The following PPP2R2A variants were observed in gnomAD, a reference collection of about 807,000 sequenced individuals.
PPP2R2A encodes the protein serine/threonine-protein phosphatase 2A 55 kDa regulatory subunit B alpha isoform.
In PPP2R2A, 9 loss-of-function variants were observed where a neutral mutation model predicts 53.2. The ratio of observed to expected loss-of-function variants is 0.17; its 90% CI spans 0.10 to 0.30. The LOEUF (loss-of-function observed/expected upper bound fraction) is 0.30. PPP2R2A is among the 10% of genes least tolerant of loss of function. The pLI is 1.00. For synonymous variants in PPP2R2A, 169 were observed against 174.2 expected (o/e 0.97, Z 0.23); for missense variants, 235 against 534.6 (o/e 0.44, Z 5.53).
chr8:26,328,815 A>G (rs1803223472), intron 2 of PPP2R2A, among the ~76,000 whole-genome samples: 1 of 152,208 alleles, frequency 6.6e-6, no homozygotes, highest in African/African-American at 2.4e-5. Context: ...TTTTCTACAA[A>G]GTAGTTTATT....
At chr8:26,326,122 C>G (rs1803073244) in intron 2 of PPP2R2A, among the ~76,000 whole-genome samples, 1 of 152,218 alleles carries the variant, frequency 6.6e-6, no homozygotes, top group African/African-American at 2.4e-5. Flanking sequence ...TAGGTGTGAG[C>G]CACCATGTTG....
intron 3 of PPP2R2A, among the ~76,000 whole-genome samples, chr8:26,351,336 C>T (rs1046694326): frequency 2.0e-5 from 3 of 151,690 alleles, no homozygotes; most frequent in Non-Finnish European, 4.4e-5. Context: ...TCTCCATGGC[C>T]CTCTTTAAAG....
At chr8:26,356,412 T>A (rs891419847) in intron 4 of PPP2R2A, among the ~76,000 whole-genome samples, 4 of 152,214 alleles carry the variant, frequency 2.6e-5, no homozygotes, top group Non-Finnish European at 5.9e-5. Context: ...GTTTTCACAA[T>A]AGACTGCATT....
intron 2 of PPP2R2A, among the ~76,000 whole-genome samples, chr8:26,315,922 A>G (rs981638629): frequency 3.9e-5 from 6 of 152,194 alleles, no homozygotes; most frequent in Non-Finnish European, 8.8e-5. Flanking sequence ...ACACTTGGTA[A>G]TCACTTTCTA....
intron 2 of PPP2R2A, among the ~76,000 whole-genome samples, chr8:26,331,790 G>C (rs921610710): frequency 6.6e-6 from 1 of 152,172 alleles, no homozygotes; most frequent in Non-Finnish European, 1.5e-5. Context: ...TTACTCAATA[G>C]AATTTTCACA....
intron 2 of PPP2R2A, among the ~76,000 whole-genome samples, chr8:26,326,689 T>C (rs1803104468): frequency 6.6e-6 from 1 of 152,242 alleles, no homozygotes; most frequent in South Asian, 2.1e-4. Flanking sequence ...TACTTGTTTG[T>C]ATAATCTCCT....
intron 3 of PPP2R2A, among the ~76,000 whole-genome samples, chr8:26,346,659 A>G (rs1024666802): frequency 6.6e-6 from 1 of 152,164 alleles, no homozygotes; most frequent in Non-Finnish European, 1.5e-5. Context: ...TTCTTTCTCA[A>G]ATATCTCTCT....
At chr8:26,345,304 G>A (rs1195996059) in intron 3 of PPP2R2A, among the ~76,000 whole-genome samples, 2 of 151,922 alleles carry the variant, frequency 1.3e-5, no homozygotes, top group African/African-American at 4.8e-5. Context: ...GCTCTCCCTA[G>A]CCTCACACAT....
At chr8:26,317,745 C>T (rs1386801968) in intron 2 of PPP2R2A, among the ~76,000 whole-genome samples, 5 of 152,192 alleles carry the variant, frequency 3.3e-5, no homozygotes, top group African/African-American at 9.7e-5. Context: ...CCCACATACA[C>T]AGTGGTTCAA....
At chr8:26,366,249 TAAAG>T in intron 8 of PPP2R2A, 62 bp from the exon 9 acceptor site, 2 of 1,324,424 alleles carry the variant, frequency 1.5e-6, no homozygotes, top group Admixed American at 2.0e-5. Context: ...TTTTTCTTTT[TAAAG>T]ATATGGACTT....
intron 2 of PPP2R2A, among the ~76,000 whole-genome samples, chr8:26,334,630 A>G (rs868513215): frequency 6.6e-6 from 1 of 152,144 alleles, no homozygotes; most frequent in Non-Finnish European, 1.5e-5. Flanking sequence ...CTGTAGTCCC[A>G]GCTACTCAGG....
At chr8:26,323,269 C>T (rs535670970) in intron 2 of PPP2R2A, among the ~76,000 whole-genome samples, 50 of 152,364 alleles carry the variant, frequency 3.3e-4, no homozygotes, top group African/African-American at 1.2e-3. Context: ...AAAACACACA[C>T]ACAGTTTCTT....
intron 6 of PPP2R2A, among the ~76,000 whole-genome samples, chr8:26,361,943 A>G (rs1161117224): frequency 6.6e-6 from 1 of 151,014 alleles, no homozygotes; most frequent in Non-Finnish European, 1.5e-5. Context: ...CCTGGGCAAC[A>G]AGAGTGAAAC....
chr8:26,349,612 CTTTA>C (rs1804393106), intron 3 of PPP2R2A, among the ~76,000 whole-genome samples: 1 of 152,114 alleles, frequency 6.6e-6, no homozygotes, highest in South Asian at 2.1e-4. Context: ...ATTTTAAAAT[CTTTA>C]TTTAAATATA....
chr8:26,300,353 A>G (rs1302142277), intron 2 of PPP2R2A, among the ~76,000 whole-genome samples: 1 of 152,236 alleles, frequency 6.6e-6, no homozygotes. Flanking sequence ...ATTTGCATAT[A>G]AGTGTTTGCC....
chr8:26,360,043 T>C lies in PPP2R2A; in HGVS notation c.347-126T>C, dbSNP rs1056342296. 3.7e-5 allele frequency: 20 copies of C among 540,262 alleles called. No homozygotes were observed. In the African/African-American group the frequency reaches 4.1e-4, roughly 11 times the overall value. 33.5% of individuals were successfully genotyped at this position (540,262 alleles called of 1,614,324 possible). ...GATAATAGGAAATTTTTTAGTAAGT[T>C]CAGATTAGGGTTTTTTTTTTTTTCG... On this transcript the variant is annotated intron_variant, in intron 4 of 9. Transcript: ENST00000380737. This position sits in a 1 kb window ranked among gnomAD's most constrained non-coding sequence, Gnocchi z 4.5.
chr8:26,360,041 G>T lies in PPP2R2A; in HGVS notation c.347-128G>T. Reference sequence around the variant, plus strand: ...CTGATAATAGGAAATTTTTTAGTAAGTTCAGATTAGGGTTTTTTTTTTTTT... The same window carrying T: ...CTGATAATAGGAAATTTTTTAGTAATTTCAGATTAGGGTTTTTTTTTTTTT... On this transcript the variant is annotated intron_variant, in intron 4 of 9. Transcript: ENST00000380737. The surrounding 1 kb of genome is among the most constrained non-coding windows in gnomAD (Gnocchi z 4.5). 1 of 535,670 alleles carries T rather than the reference G, an allele frequency of 1.9e-6. No homozygotes were observed. 33.2% of individuals were successfully genotyped at this position (535,670 alleles called of 1,614,324 possible).
intron 3 of PPP2R2A, among the ~76,000 whole-genome samples, chr8:26,341,575 T>C (rs929486610): frequency 1.4e-4 from 22 of 152,208 alleles, no homozygotes; most frequent in African/African-American, 5.3e-4. Flanking sequence ...CTTCATTTAG[T>C]AGCAAAAATC....
intron 2 of PPP2R2A, among the ~76,000 whole-genome samples, chr8:26,305,310 G>A (rs1801967861): frequency 6.6e-6 from 1 of 152,010 alleles, no homozygotes; most frequent in Non-Finnish European, 1.5e-5. Flanking sequence ...TTCATTCTTT[G>A]ATGGGCATTT....
Sources: gnomAD v4.1 joint callset for allele counts (sites outside exome capture counted in the v4.1 genomes callset) on GRCh38, gnomAD v4.1.1 for gene constraint, Gnocchi (gnomAD v3.1) non-coding constraint, MANE v1.5 for transcripts, NCBI Gene and HGNC (gene_info 2026-07-23, HGNC 2026-07-21) for gene names.